EXTL3: variants seen among roughly 807,000 people sequenced by gnomAD.
EXTL3 encodes exostosin like glycosyltransferase 3, also known as exostosin-like 3.
Under a neutral mutation model 69.3 loss-of-function variants are expected in EXTL3, and 27 were observed. That is an observed-to-expected ratio of 0.39 (90% confidence interval 0.29 to 0.54). The LOEUF is 0.54. Ranked by LOEUF, EXTL3 falls within the 20% of genes least tolerant of loss-of-function variation. The pLI is 0.69. For missense variants in EXTL3, 1,003 were observed against 1,231.8 expected, an observed-to-expected ratio of 0.81 and a Z score of 2.78; for synonymous variants, 511 against 499.4, an observed-to-expected ratio of 1.02 and a Z score of -0.31.
At chr8:28,612,776 T>G (rs933102764) in intron 2 of EXTL3, among the ~76,000 whole-genome samples, 1 of 152,192 alleles carries the variant, frequency 6.6e-6, no homozygotes, top group African/African-American at 2.4e-5. Flanking sequence ...TGGAGTGCAG[T>G]GGCACAATCA....
At chr8:28,650,815 C>T (rs1806908194) in intron 1 of EXTL3, among the ~76,000 whole-genome samples, 2 of 152,016 alleles carry the variant, frequency 1.3e-5, no homozygotes, top group African/African-American at 4.8e-5. Flanking sequence ...GTCTAAATAC[C>T]ATACCTTGTT....
At chr8:28,610,215 A>ATGTGTGTGTGTGTGTGTGTG (rs367793242) in intron 2 of EXTL3, among the ~76,000 whole-genome samples, 174 of 149,428 alleles carry the variant, frequency 1.2e-3, no homozygotes, top group African/African-American at 3.8e-3. Context: ...AAATATGTAT[A>ATGTGTGTGTGTGTGTGTGTG]TGTGTGTGTG....
At chr8:28,740,018 A>G (rs188039211) in intron 5 of EXTL3, 39 of 152,342 alleles carry the variant, frequency 2.6e-4, no homozygotes, top group Non-Finnish European at 4.6e-4. Context: ...CTGTGTGAAA[A>G]TCTATAAAGA....
chr8:28,755,226 G>C lies in EXTL3; in HGVS notation c.*4360G>C, dbSNP rs553554226. 69 of 152,318 alleles carry C rather than the reference G, an allele frequency of 4.5e-4. No homozygotes were observed. Among genetic ancestry groups the C allele is most frequent in the African/African-American group, 1.4e-3 (58 of 41,550 alleles). The allele number at this position is 152,318 out of a possible 1,614,324, so 9.4% of individuals were successfully genotyped here. On this transcript the variant is annotated 3_prime_UTR_variant, in exon 7 of 7. Coordinates refer to ENST00000220562, the MANE Select transcript of EXTL3 (RefSeq NM_001440.4). ...CCTTCCGCTAGGTTTGAGCGCCAGC[G>C]CCTGGCTGAGTGCCCTGCTCACCTC...
chr8:28,653,729 A>G (rs998081300), intron 1 of EXTL3, among the ~76,000 whole-genome samples: 27 of 152,242 alleles, frequency 1.8e-4, no homozygotes, highest in African/African-American at 4.8e-4. Flanking sequence ...TGATATGTCT[A>G]TTTTTATGCC....
chr8:28,645,538 C>T (rs995743166), intron 1 of EXTL3, among the ~76,000 whole-genome samples: 26 of 152,122 alleles, frequency 1.7e-4, no homozygotes, highest in Admixed American at 3.3e-4. Flanking sequence ...TGTACAACAA[C>T]GACTAGGAGG....
intron 6 of EXTL3, among the ~76,000 whole-genome samples, chr8:28,745,983 C>T (rs1801880456): frequency 1.3e-5 from 2 of 152,164 alleles, no homozygotes; most frequent in African/African-American, 2.4e-5. Flanking sequence ...TTTTCTAACT[C>T]TTAGTAATTC....
In EXTL3 at chr8:28,743,186, C is replaced by G; in HGVS notation, c.2522C>G (p.Ser841Cys). 1 of 1,614,216 alleles carries G rather than the reference C, an allele frequency of 6.2e-7. No individual in the cohort carries two copies. Among genetic ancestry groups the G allele is most frequent in the Non-Finnish European group, 8.5e-7 (1 of 1,180,020 alleles). ...GACATTGCCATGAACTTCCTTGTCT[C>G]CCACATCACTCGGAAGCCCCCCATC... ...CEDIAMNFLV[S>C]HITRKPPIKV... The change falls in exon 6 of 7, where the codon TCC (serine) becomes TGC (cysteine). Residue 841 changes from serine to cysteine, a missense_variant. Physicochemically the swap from Ser to Cys is moderately radical, Grantham distance 112. Coordinates refer to ENST00000220562, the MANE Select transcript of EXTL3 (RefSeq NM_001440.4).
At chr8:28,675,329 G>A (rs1225301926) in intron 1 of EXTL3, among the ~76,000 whole-genome samples, 5 of 152,108 alleles carry the variant, frequency 3.3e-5, no homozygotes, top group South Asian at 2.1e-4. Context: ...GAAACTCATC[G>A]TGCAACACTT....
intron 1 of EXTL3, among the ~76,000 whole-genome samples, chr8:28,695,928 AT>A (rs1800678330): frequency 6.6e-6 from 1 of 151,970 alleles, no homozygotes; most frequent in African/African-American, 2.4e-5. Context: ...ATTTATTTTT[AT>A]TTTTTTAAGA....
chr8:28,621,473 G>A (rs1806408661), upstream of EXTL3, among the ~76,000 whole-genome samples: 1 of 152,168 alleles, frequency 6.6e-6, no homozygotes, highest in Non-Finnish European at 1.5e-5. Flanking sequence ...GCACACGTCT[G>A]CTGATTTAGC....
intron 3 of EXTL3, 127 bp from the exon 4 acceptor site, chr8:28,731,096 C>T: frequency 9.1e-7 from 1 of 1,097,414 alleles, no homozygotes; most frequent in South Asian, 1.3e-5. Context: ...CTAGATTTTA[C>T]AAGCGCGGAG....
intron 5 of EXTL3, chr8:28,742,774 C>A: frequency 1.0e-5 from 3 of 288,516 alleles, no homozygotes; most frequent in East Asian, 1.6e-4. Flanking sequence ...AAATAGTGTT[C>A]AATTGAACCA....
chr8:28,716,016 G>C lies in EXTL3; in HGVS notation c.-44G>C, dbSNP rs370382264. 4 of 1,514,628 alleles carry C rather than the reference G, an allele frequency of 2.6e-6. No individual in the cohort carries two copies. Among genetic ancestry groups the C allele is most frequent in the Non-Finnish European group, 3.6e-6 (4 of 1,111,312 alleles). The allele number at this position is 1,514,628 out of a possible 1,614,324, so 93.8% of individuals were successfully genotyped here. ...TGTGGAATAGCAACCCATGGTTATG[G>C]CGAGTGACCCGACGTGATCTGGGGG... On this transcript the variant is annotated 5_prime_UTR_variant, in exon 3 of 7. Coordinates refer to ENST00000220562, the MANE Select transcript of EXTL3 (RefSeq NM_001440.4). The surrounding 1 kb of genome is among the most constrained non-coding windows in gnomAD (Gnocchi z 7.1).
At chr8:28,636,736 C>T (rs777866588) in intron 1 of EXTL3, among the ~76,000 whole-genome samples, 17 of 152,134 alleles carry the variant, frequency 1.1e-4, no homozygotes, top group Non-Finnish European at 1.9e-4. Context: ...CAGGTTGGCG[C>T]GTGGTGGCTT....
intron 1 of EXTL3, among the ~76,000 whole-genome samples, chr8:28,660,838 C>CTTT (rs58151386): frequency 1.1e-4 from 5 of 46,956 alleles, no homozygotes; most frequent in East Asian, 1.7e-3. Context: ...CGATTTTTGG[C>CTTT]TTTTTTTTTT....
chr8:28,625,855 C>T (rs1219952096), intron 1 of EXTL3, among the ~76,000 whole-genome samples: 1 of 151,898 alleles, frequency 6.6e-6, no homozygotes, highest in African/African-American at 2.4e-5. Flanking sequence ...AGGGAACAAA[C>T]ATTAACAAAA....
chr8:28,698,399 C>G (rs1330245824), upstream of EXTL3: 1 of 152,238 alleles, frequency 6.6e-6, no homozygotes, highest in Middle Eastern at 3.2e-3. Context: ...GTGTCCTTTG[C>G]TCCATGCTCT....
At chr8:28,710,414 TG>T (rs955785295) in intron 1 of EXTL3, 2 of 454,750 alleles carry the variant, frequency 4.4e-6, no homozygotes, top group Admixed American at 4.8e-5. Context: ...GGAGAGGACA[TG>T]GGCAGGAAGT....
Sources: allele counts gnomAD v4.1 joint callset (sites outside exome capture counted in the v4.1 genomes callset), GRCh38; gene constraint gnomAD v4.1.1; non-coding constraint Gnocchi (gnomAD v3.1); transcripts MANE v1.5; gene names NCBI Gene and HGNC (gene_info 2026-07-23, HGNC 2026-07-21).